Variants in BMP5 observed in about 807,000 individuals in gnomAD.
BMP5 encodes the protein bone morphogenetic protein 5.
Under a neutral mutation model 46.6 loss-of-function variants are expected in BMP5, and 23 were observed. The observed-to-expected ratio is 0.49, with a 90% CI of 0.35 to 0.70. The LOEUF is 0.70. BMP5 is among the 30% of genes least tolerant of loss of function. The pLI, the probability that BMP5 is intolerant of heterozygous loss-of-function variation, is 0.00. For synonymous variants in BMP5, 204 were observed against 191.9 expected (o/e 1.06, Z -0.52); for missense variants, 545 against 565.6 (o/e 0.96, Z 0.37).
intron 1 of BMP5, among the ~76,000 whole-genome samples, chr6:55,854,056 TC>T: frequency 6.6e-6 from 1 of 152,236 alleles, no homozygotes; most frequent in Admixed American, 6.5e-5. Context: ...CCACAACAAA[TC>T]CAAAGAAACA....
intron 1 of BMP5, among the ~76,000 whole-genome samples, chr6:55,836,955 A>T (rs1232328299): frequency 1.3e-5 from 2 of 152,210 alleles, no homozygotes; most frequent in Non-Finnish European, 2.9e-5. Flanking sequence ...AACTTCTTCA[A>T]ATTTGTAAGA....
intron 1 of BMP5, among the ~76,000 whole-genome samples, chr6:55,829,777 T>C (rs913336353): frequency 1.3e-5 from 2 of 152,016 alleles, no homozygotes; most frequent in East Asian, 3.8e-4. Context: ...ACAGAATGAA[T>C]TACGCATTGT....
chr6:55,860,952 T>C (rs1345231356), intron 1 of BMP5, among the ~76,000 whole-genome samples: 4 of 152,186 alleles, frequency 2.6e-5, no homozygotes, highest in East Asian at 3.8e-4. Context: ...TATTCAGCTT[T>C]TGTGTGATAC....
At chr6:55,816,829 GTGTGT>G (rs1776283273) in intron 2 of BMP5, among the ~76,000 whole-genome samples, 1 of 151,992 alleles carries the variant, frequency 6.6e-6, no homozygotes, top group South Asian at 2.1e-4. Context: ...GTGTGTGTGT[GTGTGT>G]TGTCACTGTA....
intron 4 of BMP5, among the ~76,000 whole-genome samples, chr6:55,765,620 C>A (rs966452216): frequency 1.3e-5 from 2 of 152,070 alleles, no homozygotes; most frequent in South Asian, 4.1e-4. Flanking sequence ...AACAATCCTA[C>A]CCAAAGATAA....
Position 55,765,489 on chromosome 6 carries a change from A to G in BMP5, c.1028-4956T>C, listed in dbSNP as rs141656922. ...CAGAAGACCTTAATTTATTTATAAA[A>G]ATTTAAAATGATAAATGAATGAAGG... On this transcript the variant is annotated intron_variant, in intron 4 of 6. Transcript: ENST00000370830. 6.7e-3 allele frequency among the ~76,000 whole-genome samples: 1,015 copies of G among 152,314 alleles called. 15 individuals are homozygous for G. The highest frequency in any genetic ancestry group is 0.023 in the African/African-American group (961 of 41,576).
chr6:55,806,726 G>T (rs577154645), intron 2 of BMP5, among the ~76,000 whole-genome samples: 1 of 152,068 alleles, frequency 6.6e-6, no homozygotes, highest in South Asian at 2.1e-4. Flanking sequence ...CCATTTGTTT[G>T]TGTTCTGTCT....
chr6:55,791,334 C>A (rs1478208670), intron 3 of BMP5, among the ~76,000 whole-genome samples: 1 of 152,188 alleles, frequency 6.6e-6, no homozygotes, highest in Non-Finnish European at 1.5e-5. Flanking sequence ...TGGTTAAAAT[C>A]TGTTTTAAGT....
intron 6 of BMP5, among the ~76,000 whole-genome samples, chr6:55,756,931 TC>T (rs533493566): frequency 1.8e-4 from 28 of 151,896 alleles, no homozygotes; most frequent in Non-Finnish European, 3.5e-4. Context: ...CATGCTTTCC[TC>T]CGTCTTTTTG....
chr6:55,826,981 C>A (rs979500720), intron 1 of BMP5, among the ~76,000 whole-genome samples: 181 of 151,678 alleles, frequency 1.2e-3, no homozygotes, highest in African/African-American at 4.3e-3. Flanking sequence ...TATTCCATTC[C>A]AGAACAATGT....
chr6:55,781,163 A>G (rs1273421739), intron 3 of BMP5, among the ~76,000 whole-genome samples: 4 of 152,134 alleles, frequency 2.6e-5, no homozygotes, highest in African/African-American at 9.7e-5. Flanking sequence ...ACATGCCCCA[A>G]AAAGATTGGT....
chr6:55,811,509 A>C (rs1195279633), intron 2 of BMP5, among the ~76,000 whole-genome samples: 3 of 152,146 alleles, frequency 2.0e-5, no homozygotes, highest in Non-Finnish European at 4.4e-5. Context: ...GCTGGATGCT[A>C]TTCTTATTAG....
At chr6:55,816,515 ATAT>A (rs1562052170) in intron 2 of BMP5, among the ~76,000 whole-genome samples, 1 of 152,170 alleles carries the variant, frequency 6.6e-6, no homozygotes, top group Non-Finnish European at 1.5e-5. Context: ...TAAGAAAATA[ATAT>A]TAGTATCTTA....
At chr6:55,794,631 T>C (rs1197898048) in intron 2 of BMP5, among the ~76,000 whole-genome samples, 2 of 152,198 alleles carry the variant, frequency 1.3e-5, no homozygotes, top group African/African-American at 4.8e-5. Flanking sequence ...TACAAATTAG[T>C]AATCTCTATC....
At chr6:55,836,179 C>T (rs1053949811) in intron 1 of BMP5, among the ~76,000 whole-genome samples, 9 of 151,900 alleles carry the variant, frequency 5.9e-5, no homozygotes, top group African/African-American at 9.7e-5. Flanking sequence ...TTATTGAGTG[C>T]GTAAAGTATT....
At chr6:55,828,625 A>G (rs779260332) in intron 1 of BMP5, among the ~76,000 whole-genome samples, 6 of 151,804 alleles carry the variant, frequency 4.0e-5, no homozygotes, top group South Asian at 2.1e-4. Flanking sequence ...AGTGTATTCA[A>G]TGTTTATCTT....
chr6:55,864,472 C>T (rs541876413), intron 1 of BMP5, among the ~76,000 whole-genome samples: 2 of 152,242 alleles, frequency 1.3e-5, no homozygotes, highest in African/African-American at 2.4e-5. Flanking sequence ...CACATACTCA[C>T]GTTCCCTTCT....
intron 1 of BMP5, among the ~76,000 whole-genome samples, chr6:55,842,035 G>T (rs555944784): frequency 2.6e-5 from 4 of 151,902 alleles, no homozygotes; most frequent in Non-Finnish European, 5.9e-5. Flanking sequence ...TCTATTAACC[G>T]CTATTGATCG....
In BMP5 at chr6:55,848,582, G is replaced by C. The variant is rs563386229; in HGVS notation, c.490+25794C>G. Among the ~76,000 whole-genome samples the C allele has an allele frequency of 3.3e-5, 5 of 152,060 alleles. No homozygotes were observed. In the East Asian group the frequency reaches 9.7e-4, roughly 29 times the overall value. The stretch of plus-strand genomic sequence containing the variant: ...GGTTGAAAACACTGCCTAGCAAGTA[G>C]TTAGAGGTTAATAAATATTTATTGA... On this transcript the variant is annotated intron_variant, in intron 1 of 6. Coordinates refer to ENST00000370830, the MANE Select transcript of BMP5 (RefSeq NM_021073.4).
Sources: allele counts gnomAD v4.1 joint callset (sites outside exome capture counted in the v4.1 genomes callset), GRCh38; gene constraint gnomAD v4.1.1; transcripts MANE v1.5; gene names NCBI Gene and HGNC (gene_info 2026-07-23, HGNC 2026-07-21).